The following UBE3D variants were observed in gnomAD, a reference collection of about 807,000 sequenced individuals.
The protein encoded by UBE3D is E3 ubiquitin-protein ligase E3D.
Under a neutral mutation model 49.6 loss-of-function variants are expected in UBE3D, and 48 were observed. The observed-to-expected ratio is 0.97, with a 90% CI of 0.77 to 1.23. The LOEUF is 1.23. UBE3D is among the 50% of genes most tolerant of loss of function. The pLI, the probability that UBE3D is intolerant of heterozygous loss-of-function variation, is 0.00. For synonymous variants in UBE3D, 189 were observed against 174.2 expected (o/e 1.08, Z -0.67); for missense variants, 452 against 468.4 (o/e 0.96, Z 0.32).
chr6:82,953,022 T>C (rs999689607), intron 9 of UBE3D, among the ~76,000 whole-genome samples: 1 of 152,226 alleles, frequency 6.6e-6, no homozygotes, highest in Non-Finnish European at 1.5e-5. Flanking sequence ...CTTACCTATA[T>C]TTAAAGCTGC....
intron 9 of UBE3D, among the ~76,000 whole-genome samples, chr6:82,952,020 T>C (rs1023427389): frequency 2.0e-5 from 3 of 152,174 alleles, no homozygotes; most frequent in Admixed American, 2.0e-4. Flanking sequence ...TGCTATCAAG[T>C]ACATTTGAGA....
chr6:82,981,637 A>G (rs1426800723), intron 8 of UBE3D, among the ~76,000 whole-genome samples: 1 of 152,086 alleles, frequency 6.6e-6, no homozygotes, highest in African/African-American at 2.4e-5. Context: ...TATGTTATAC[A>G]TTAATAGATT....
the UBE3D span, among the ~76,000 whole-genome samples, chr6:82,881,441 C>T: frequency 6.6e-6 from 1 of 152,126 alleles, no homozygotes; most frequent in African/African-American, 2.4e-5. Context: ...TACCTTGATT[C>T]CAAGGGTTCT....
At chr6:82,980,730 T>G (rs1187611702) in intron 8 of UBE3D, among the ~76,000 whole-genome samples, 1 of 152,064 alleles carries the variant, frequency 6.6e-6, no homozygotes, top group Non-Finnish European at 1.5e-5. Flanking sequence ...GTCTTTAATC[T>G]GTCTTGATTT....
At chr6:83,044,349 C>A in intron 4 of UBE3D, 79 bp downstream of exon 4, 2 of 1,378,014 alleles carry the variant, frequency 1.5e-6, no homozygotes, top group Non-Finnish European at 2.0e-6. Flanking sequence ...TGTAACAAGC[C>A]CTTAATTAGG....
intron 9 of UBE3D, among the ~76,000 whole-genome samples, chr6:82,906,996 T>C (rs932492835): frequency 2.0e-5 from 3 of 152,106 alleles, no homozygotes; most frequent in Non-Finnish European, 4.4e-5. Flanking sequence ...AAAATAGGAA[T>C]GGAAAAAAGG....
Position 82,957,457 on chromosome 6 carries a change from CA to C in UBE3D, c.1011-8del, listed in dbSNP as rs758209997. On this transcript the variant is annotated splice_region_variant and splice_polypyrimidine_tract_variant and intron_variant, in intron 8 of 9. Coordinates refer to ENST00000369747, the MANE Select transcript of UBE3D (RefSeq NM_198920.3). Reference sequence around the variant, plus strand: ...TTCCCACAAGCTGACAAGTCTGGAACACACCAACACATTAACTTTCAAAAAT... The same window carrying C: ...TTCCCACAAGCTGACAAGTCTGGAACCACCAACACATTAACTTTCAAAAAT... The C allele has an allele frequency of 6.9e-6, 11 of 1,600,966 alleles. No individual in the cohort carries two copies. In the African/African-American group the frequency reaches 1.5e-4, roughly 22 times the overall value.
chr6:83,065,596 A>T, intron 1 of UBE3D, 46 bp downstream of exon 1: 1 of 1,588,486 alleles, frequency 6.3e-7, no homozygotes, highest in Non-Finnish European at 8.6e-7. Context: ...ACCCCCGGGC[A>T]GCAGTAAAGC....
chr6:82,916,938 T>C (rs976493072), intron 9 of UBE3D, among the ~76,000 whole-genome samples: 7 of 152,166 alleles, frequency 4.6e-5, no homozygotes, highest in Non-Finnish European at 7.3e-5. Context: ...CACTGGTTAT[T>C]AAAAGCCACT....
chr6:83,052,637 A>G (rs192291273), intron 3 of UBE3D, among the ~76,000 whole-genome samples: 2 of 152,332 alleles, frequency 1.3e-5, no homozygotes, highest in Admixed American at 1.3e-4. Flanking sequence ...ATGCCAGTCA[A>G]TAATGGCATG....
chr6:83,057,554 A>C (rs573737271), intron 2 of UBE3D, among the ~76,000 whole-genome samples: 113 of 152,380 alleles, frequency 7.4e-4, no homozygotes, highest in African/African-American at 2.6e-3. Flanking sequence ...ACAATTAAAG[A>C]AACAAGGCAG....
At chr6:83,048,635 G>A (rs760643081) in intron 3 of UBE3D, among the ~76,000 whole-genome samples, 7 of 152,154 alleles carry the variant, frequency 4.6e-5, no homozygotes, top group African/African-American at 1.7e-4. Flanking sequence ...GTGAATAAAA[G>A]CTATAATATG....
At chr6:82,904,342 T>C (rs1771946566) in intron 9 of UBE3D, among the ~76,000 whole-genome samples, 1 of 152,202 alleles carries the variant, frequency 6.6e-6, no homozygotes, top group Non-Finnish European at 1.5e-5. Context: ...AAACGAGGAC[T>C]ACTGTACATT....
chr6:83,010,490 GA>G (rs1780260062), intron 8 of UBE3D, among the ~76,000 whole-genome samples: 1 of 152,084 alleles, frequency 6.6e-6, no homozygotes, highest in African/African-American at 2.4e-5. Context: ...AAGAACAAAT[GA>G]ACAATTTTTT....
chr6:82,883,371 C>T, the UBE3D span, among the ~76,000 whole-genome samples: 1 of 152,138 alleles, frequency 6.6e-6, no homozygotes, highest in Non-Finnish European at 1.5e-5. Flanking sequence ...CCCAACTTCT[C>T]TAGTTTTCCA....
chr6:82,911,878 G>T (rs762621145), intron 9 of UBE3D, among the ~76,000 whole-genome samples: 5 of 152,136 alleles, frequency 3.3e-5, no homozygotes, highest in Non-Finnish European at 7.3e-5. Context: ...GGTCAGAAAG[G>T]CTGGACACTC....
intron 9 of UBE3D, among the ~76,000 whole-genome samples, chr6:82,919,373 G>T (rs1773155107): frequency 6.6e-6 from 1 of 151,868 alleles, no homozygotes; most frequent in Non-Finnish European, 1.5e-5. Context: ...GGAGGCTGAG[G>T]CAAGCAGATC....
At chr6:83,042,555 A>T (rs1459517396) in intron 4 of UBE3D, among the ~76,000 whole-genome samples, 1 of 152,248 alleles carries the variant, frequency 6.6e-6, no homozygotes, top group Non-Finnish European at 1.5e-5. Context: ...GCAGCCTAAC[A>T]GTGTGGGAAC....
intron 9 of UBE3D, among the ~76,000 whole-genome samples, chr6:82,942,184 G>T (rs1219936031): frequency 6.6e-6 from 1 of 152,192 alleles, no homozygotes. Flanking sequence ...TAAGAAACTT[G>T]TTGGGAACTG....
Sources: gnomAD v4.1 joint callset for allele counts (sites outside exome capture counted in the v4.1 genomes callset) on GRCh38, gnomAD v4.1.1 for gene constraint, MANE v1.5 for transcripts, NCBI Gene and HGNC (gene_info 2026-07-23, HGNC 2026-07-21) for gene names.